Variants in VPS25 observed in about 807,000 individuals in gnomAD.
VPS25 encodes vacuolar protein sorting 25 homolog.
A neutral mutation model predicts 30.3 loss-of-function variants in VPS25; 21 were observed. That is an observed-to-expected ratio of 0.69 (90% CI 0.49 to 1.00). VPS25 has a LOEUF of 1.00. Among genes scored for constraint, VPS25 ranks in the 50% least tolerant of loss-of-function variants. VPS25 has a pLI of 0.00. For synonymous variants in VPS25, 101 were observed against 88.1 expected (o/e 1.15, Z -0.82); for missense variants, 156 against 217.2 (o/e 0.72, Z 1.77).
chr17:42,774,512 C>A, intron 2 of VPS25, 134 bp from the exon 3 acceptor site: 1 of 579,830 alleles, frequency 1.7e-6, no homozygotes, highest in Non-Finnish European at 3.0e-6. Flanking sequence ...AATGCCAATT[C>A]ATATCATGTT....
chr17:42,774,519 T>C (rs1597889411), intron 2 of VPS25, 127 bp from the exon 3 acceptor site: 2 of 614,546 alleles, frequency 3.3e-6, no homozygotes, highest in Middle Eastern at 2.8e-4. Context: ...ATTCATATCA[T>C]GTTGGGAAAT....
At chr17:42,775,155 C>CA in intron 3 of VPS25, 1 of 484,680 alleles carries the variant, frequency 2.1e-6, no homozygotes, top group Non-Finnish European at 3.7e-6. Flanking sequence ...GTGATCCTCC[C>CA]ATCTCAGCCT....
chr17:42,777,494 A>G (rs915079008), intron 5 of VPS25, among the ~76,000 whole-genome samples: 4 of 152,394 alleles, frequency 2.6e-5, no homozygotes, highest in South Asian at 2.1e-4. Flanking sequence ...AGTCTGGATG[A>G]CAGAGCGAGA....
chr17:42,774,039 T>G, intron 2 of VPS25, 161 bp downstream of exon 2: 2 of 836,708 alleles, frequency 2.4e-6, no homozygotes, highest in Non-Finnish European at 1.8e-6. Context: ...CATTTTCCCC[T>G]GGCAAATGCA....
chr17:42,773,936 A>G (rs751064561), intron 2 of VPS25, 58 bp downstream of exon 2: 1 of 1,555,840 alleles, frequency 6.4e-7, no homozygotes, highest in African/African-American at 1.4e-5. Flanking sequence ...GCTTTCACAC[A>G]TGCCCAGACG....
rs778120449 is a variant in VPS25, at chr17:42,774,668, C to A, written c.222C>A (p.Ile74=). The A allele has an allele frequency of 6.2e-7, 1 of 1,613,170 alleles. No homozygotes were observed. The highest frequency in any genetic ancestry group is 8.5e-7 in the Non-Finnish European group (1 of 1,179,320). Reference sequence around the variant, plus strand: ...CAGGAAAGCTTCCTGTGGAGTCGATCCAGATTGTATTAGAGGAACTGAGGA... The same window carrying A: ...CAGGAAAGCTTCCTGTGGAGTCGATACAGATTGTATTAGAGGAACTGAGGA... ...KLQRKLPVES[I]QIVLEELRKK... is the part of the protein sequence containing the mutation. The change falls in exon 3 of 6, where the codon ATC becomes ATA. Residue 74 remains isoleucine (I), a synonymous_variant. Coordinates refer to ENST00000253794, the MANE Select transcript of VPS25 (RefSeq NM_032353.4).
chr17:42,773,641 C>T (rs2054421340), intron 1 of VPS25, 92 bp from the exon 2 acceptor site: 8 of 1,605,204 alleles, frequency 5.0e-6, no homozygotes, highest in Non-Finnish European at 6.8e-6. Flanking sequence ...TCGGCCAACA[C>T]CCTCAGTCCC....
intron 5 of VPS25, among the ~76,000 whole-genome samples, 169 bp downstream of exon 5, chr17:42,776,489 A>C (rs2143964474): frequency 6.7e-6 from 1 of 148,218 alleles, no homozygotes; most frequent in South Asian, 2.1e-4. Context: ...CAGCTTCCTG[A>C]GTAGCTGGGA....
intron 5 of VPS25, among the ~76,000 whole-genome samples, chr17:42,777,065 A>G (rs1027944310): frequency 2.6e-5 from 4 of 152,080 alleles, no homozygotes; most frequent in Non-Finnish European, 5.9e-5. Context: ...CAAAAAATTT[A>G]AAAATCAGCT....
In VPS25 at chr17:42,775,460, C is replaced by T; in HGVS notation, c.333C>T (p.Ile111=). The change falls in exon 4 of 6, where the codon ATC becomes ATT. Residue 111 remains isoleucine (I), a synonymous_variant. Coordinates refer to ENST00000253794, the MANE Select transcript of VPS25 (RefSeq NM_032353.4). ...WRRPEEWGKL[I]YQWVSRSGQN... ...GGCCAGAAGAATGGGGGAAACTCAT[C>T]TATCAGTGGGTGAGATCATTATTCT... 1 of 1,613,230 alleles carries T rather than the reference C, an allele frequency of 6.2e-7. No individual in the cohort carries two copies. Among genetic ancestry groups the T allele is most frequent in the Non-Finnish European group, 8.5e-7 (1 of 1,179,230 alleles).
At chr17:42,774,541 G>A (rs1209310765) in intron 2 of VPS25, 105 bp from the exon 3 acceptor site, 3 of 828,026 alleles carry the variant, frequency 3.6e-6, no homozygotes, top group Non-Finnish European at 4.0e-6. Flanking sequence ...GCACACATAT[G>A]TGTGTGGGAG....
intron 3 of VPS25, 112 bp from the exon 4 acceptor site, chr17:42,775,269 G>A (rs1883965246): frequency 1.4e-6 from 1 of 731,368 alleles, no homozygotes; most frequent in Non-Finnish European, 2.3e-6. Context: ...GTCTCATCAT[G>A]TTGCCCAGGC....
At chr17:42,773,933 C>A in intron 2 of VPS25, 55 bp downstream of exon 2, 1 of 1,563,582 alleles carries the variant, frequency 6.4e-7, no homozygotes. Flanking sequence ...TGCGCTTTCA[C>A]ACATGCCCAG....
At chr17:42,774,982 G>A in intron 3 of VPS25, 1 of 405,212 alleles carries the variant, frequency 2.5e-6, no homozygotes, top group East Asian at 3.8e-5. Context: ...TGAAAGCTGA[G>A]TCTCTTCCAC....
intron 3 of VPS25, 120 bp from the exon 4 acceptor site, chr17:42,775,261 C>T: frequency 1.5e-6 from 1 of 683,276 alleles, no homozygotes; most frequent in South Asian, 1.8e-5. Context: ...TCTGTAGGGT[C>T]TCATCATGTT....
chr17:42,774,812 GC>G, intron 3 of VPS25, 113 bp downstream of exon 3: 1 of 908,884 alleles, frequency 1.1e-6, no homozygotes, highest in Non-Finnish European at 1.7e-6. Context: ...TGGCTTGAAG[GC>G]CAGAGTCTTC....
Position 42,773,473 on chromosome 17 carries a change from A to ATC in VPS25, c.-3_-2insTC, listed in dbSNP as rs2143960928. 6.2e-7 allele frequency: 1 copy of ATC among 1,614,074 alleles called. No homozygotes were observed. Among genetic ancestry groups the ATC allele is most frequent in the African/African-American group, 1.3e-5 (1 of 74,994 alleles). On this transcript the variant is annotated 5_prime_UTR_variant, in exon 1 of 6. Coordinates refer to ENST00000253794, the MANE Select transcript of VPS25 (RefSeq NM_032353.4). ...TAGCTTCCGGGTTTCCTGGGCTACTACGATGGCGATGAGTTTCGAGTGGCC... is the reference window on the plus strand; with the variant it reads ...TAGCTTCCGGGTTTCCTGGGCTACTATCCGATGGCGATGAGTTTCGAGTGGCC...
chr17:42,776,296 A>G lies in VPS25; in HGVS notation c.394A>G (p.Asn132Asp). 1 of 1,613,578 alleles carries G rather than the reference A, an allele frequency of 6.2e-7. No homozygotes were observed. The change falls in exon 5 of 6, where the codon AAT becomes GAT. Residue 132 changes from asparagine (N) to aspartate (D), a missense_variant. By Grantham distance (23) the Asn-to-Asp change is conservative. Coordinates refer to ENST00000253794, the MANE Select transcript of VPS25 (RefSeq NM_032353.4). The part of the protein sequence containing the change: ...NSVFTLYELT[N>D]GEDTEDEEFH... ...CGTCTTTACCCTGTATGAACTGACT[A>G]ATGGGGAAGACACAGAGGATGAGGG...
In VPS25 at chr17:42,773,651, C is replaced by A; in HGVS notation, c.54-82C>A. The A allele has an allele frequency of 5.0e-6, 8 of 1,605,648 alleles. No homozygotes were observed. In the South Asian group the frequency reaches 7.7e-5, roughly 15 times the overall value. On this transcript the variant is annotated intron_variant, in intron 1 of 5. Transcript: ENST00000253794. ...ACCCGTCGGCCAACACCCTCAGTCCCTTACTTTCTTCCTGAAATGCGTCCC... is the reference window on the plus strand; with the variant it reads ...ACCCGTCGGCCAACACCCTCAGTCCATTACTTTCTTCCTGAAATGCGTCCC...
Sources: allele counts gnomAD v4.1 joint callset (sites outside exome capture counted in the v4.1 genomes callset), GRCh38; gene constraint gnomAD v4.1.1; transcripts MANE v1.5; gene names NCBI Gene and HGNC (gene_info 2026-07-23, HGNC 2026-07-21).